ZNF536: variants seen among roughly 807,000 people sequenced by gnomAD.
ZNF536 encodes zinc finger protein 536.
A neutral mutation model predicts 84.5 loss-of-function variants in ZNF536; 13 were observed. The observed-to-expected ratio is 0.15, with a 90% confidence interval of 0.10 to 0.24. ZNF536 has a LOEUF of 0.24. ZNF536 is among the 10% of genes least tolerant of loss of function. The probability of loss-of-function intolerance (pLI) is 1.00; values close to 1 mark genes in which losing one functional copy is unlikely to be tolerated. For missense variants in ZNF536, 1,536 were observed against 1,747.5 expected (o/e 0.88, Z 2.16); for synonymous variants, 811 against 742.5 (o/e 1.09, Z -1.50).
At chr19:30,268,052 C>T (rs2025613862) in intron 1 of ZNF536, among the ~76,000 whole-genome samples, 1 of 140,906 alleles carries the variant, frequency 7.1e-6, no homozygotes, top group South Asian at 2.7e-4. Flanking sequence ...CGCCTCCCTC[C>T]CTTTCTCTCC....
At chr19:30,240,140 G>A (rs949014879) in intron 1 of ZNF536, among the ~76,000 whole-genome samples, 1 of 151,958 alleles carries the variant, frequency 6.6e-6, no homozygotes. Flanking sequence ...AGGCCGAGGC[G>A]AGCAGATCTG....
chr19:30,386,854 C>T (rs1029268889), intron 1 of ZNF536, among the ~76,000 whole-genome samples: 1 of 152,234 alleles, frequency 6.6e-6, no homozygotes, highest in Non-Finnish European at 1.5e-5. Context: ...CTGCGTTTCA[C>T]AGAACACTTC....
intron 2 of ZNF536, among the ~76,000 whole-genome samples, chr19:30,289,996 G>A (rs145545020): frequency 1.4e-3 from 210 of 152,256 alleles, no homozygotes; most frequent in Middle Eastern, 0.014. Flanking sequence ...GTTTTGAAAC[G>A]GAAACTCTAT....
intron 2 of ZNF536, among the ~76,000 whole-genome samples, chr19:30,508,378 C>T (rs531557459): frequency 2.2e-4 from 34 of 152,286 alleles, no homozygotes; most frequent in African/African-American, 7.5e-4. Context: ...TGGGGAGGAC[C>T]TTTCTTCTGG....
intron 2 of ZNF536, among the ~76,000 whole-genome samples, chr19:30,458,208 C>G (rs2148389490): frequency 6.6e-6 from 1 of 152,278 alleles, no homozygotes; most frequent in South Asian, 2.1e-4. Flanking sequence ...CGCTTTCCTT[C>G]TCTGGGCTTT....
At chr19:30,273,067 T>C (rs1179393768) in intron 1 of ZNF536, among the ~76,000 whole-genome samples, 1 of 152,202 alleles carries the variant, frequency 6.6e-6, no homozygotes, top group African/African-American at 2.4e-5. Context: ...CACACCTGGC[T>C]AATTTTAAAA....
At chr19:30,689,309 A>C (rs970120506) in intron 1 of ZNF536, among the ~76,000 whole-genome samples, 1 of 152,240 alleles carries the variant, frequency 6.6e-6, no homozygotes, top group Non-Finnish European at 1.5e-5. Flanking sequence ...TTGAAGATTC[A>C]ATGAGACATT....
In ZNF536 at chr19:30,452,104, G is replaced by C. The variant is rs371525693; in HGVS notation, c.2170+6372G>C. On this transcript the variant is annotated intron_variant, in intron 2 of 4. Transcript: ENST00000355537. The stretch of plus-strand genomic sequence containing the variant: ...CAAGGTGTCCCTTGATTGATGGTTT[G>C]GCCAGAAGCAGGTATCACGAGCTTC... 9.7e-4 allele frequency among the ~76,000 whole-genome samples: 148 copies of C among 152,260 alleles called. 5 individuals are homozygous for C. Among genetic ancestry groups the C allele is most frequent in the African/African-American group, 3.4e-3 (143 of 41,564 alleles).
In ZNF536 at chr19:30,298,250, C is replaced by T. The variant is rs563800446; in HGVS notation, c.-120+14109C>T. Among the ~76,000 whole-genome samples the T allele has an allele frequency of 2.2e-3, 339 of 152,264 alleles. 4 individuals carry two copies. The highest frequency in any genetic ancestry group is 7.6e-3 in the African/African-American group (314 of 41,548). On this transcript the variant is annotated intron_variant, in intron 2 of 5. Transcript: ENST00000585628. The stretch of plus-strand genomic sequence containing the variant: ...TTCCCTTTAGAATAGCGGGCTAATT[C>T]CAGGTGCCCATTAGAAATTCAAGAT...
chr19:30,667,483 C>T (rs1044034249), intron 1 of ZNF536, among the ~76,000 whole-genome samples: 2 of 152,084 alleles, frequency 1.3e-5, no homozygotes, highest in South Asian at 4.2e-4. Flanking sequence ...CCGAAGCTGC[C>T]TGTGAGTGGG....
At chr19:30,253,539 C>A (rs1339132660) in intron 1 of ZNF536, among the ~76,000 whole-genome samples, 1 of 152,176 alleles carries the variant, frequency 6.6e-6, no homozygotes, top group African/African-American at 2.4e-5. Context: ...TTAAGAATTG[C>A]TTGTGAATTG....
At chr19:30,335,615 G>A (rs1243022862) in intron 2 of ZNF536, among the ~76,000 whole-genome samples, 1 of 151,988 alleles carries the variant, frequency 6.6e-6, no homozygotes, top group Admixed American at 6.6e-5. Context: ...CTCCTCCCTG[G>A]CACATCTTAG....
intron 1 of ZNF536, among the ~76,000 whole-genome samples, chr19:30,631,930 T>G (rs1205624715): frequency 6.6e-6 from 1 of 152,214 alleles, no homozygotes; most frequent in Non-Finnish European, 1.5e-5. Context: ...GCGGACTCAC[T>G]GCACCAAGAG....
At chr19:30,259,917 A>ATT (rs34342169) in intron 1 of ZNF536, among the ~76,000 whole-genome samples, 4 of 133,726 alleles carry the variant, frequency 3.0e-5, no homozygotes, top group South Asian at 2.4e-4. Flanking sequence ...TGCCCAGCTA[A>ATT]TTTTTTTTTT....
intron 2 of ZNF536, among the ~76,000 whole-genome samples, chr19:30,464,953 G>A (rs895728324): frequency 6.6e-6 from 1 of 152,130 alleles, no homozygotes; most frequent in Non-Finnish European, 1.5e-5. Flanking sequence ...GCAGCACTCT[G>A]GAGAACAGGG....
In ZNF536 at chr19:30,388,559, G is replaced by A. The variant is rs148088324; in HGVS notation, c.-3+16003G>A. 6.4e-4 allele frequency among the ~76,000 whole-genome samples: 97 copies of A among 152,216 alleles called. 1 individual carries two copies. The East Asian group carries it at 6.8e-3, about 11-fold the overall frequency. ...TCCAGGTGCAGAGCCCTCCACGATC[G>A]CCTCGTCCCTCCTGTGCTTGGCAGG... is the stretch of plus-strand genomic sequence containing the variant. On this transcript the variant is annotated intron_variant, in intron 1 of 4. Transcript: ENST00000355537.
At chr19:30,538,951 T>G (rs966930160) in intron 3 of ZNF536, among the ~76,000 whole-genome samples, 7 of 152,108 alleles carry the variant, frequency 4.6e-5, no homozygotes, top group South Asian at 4.2e-4. Flanking sequence ...CTCATACCTG[T>G]AATCCCAGCA....
chr19:30,573,947 C>T (rs933598952), intron 1 of ZNF536, among the ~76,000 whole-genome samples: 17 of 152,202 alleles, frequency 1.1e-4, no homozygotes, highest in Admixed American at 2.0e-4. Flanking sequence ...ATTGCCAGGA[C>T]GGGCAGCTGT....
At chr19:30,324,683 C>T (rs10415984) in intron 2 of ZNF536, among the ~76,000 whole-genome samples, 2,824 of 152,314 alleles carry the variant, frequency 0.019, 95 homozygotes, top group African/African-American at 0.064. Flanking sequence ...TGAGCCACTC[C>T]GTCTGACTTT....
Sources: gnomAD v4.1 joint callset for allele counts (sites outside exome capture counted in the v4.1 genomes callset) on GRCh38, gnomAD v4.1.1 for gene constraint, MANE v1.5 for transcripts, NCBI Gene and HGNC (gene_info 2026-07-23, HGNC 2026-07-21) for gene names.